CLASP1: variants seen among roughly 807,000 people sequenced by gnomAD.
CLASP1 encodes cytoplasmic linker associated protein 1.
Under a neutral mutation model 192.3 loss-of-function variants are expected in CLASP1, and 38 were observed. The observed-to-expected ratio is 0.20, with a 90% CI of 0.15 to 0.26. The LOEUF (loss-of-function observed/expected upper bound fraction) is 0.26, where lower values mean the gene tolerates loss of function less well. CLASP1 is among the 10% of genes least tolerant of loss of function. The probability of loss-of-function intolerance (pLI) is 1.00; values close to 1 mark genes in which losing one functional copy is unlikely to be tolerated. For missense variants in CLASP1, 1,433 were observed against 1,932.5 expected, an observed-to-expected ratio of 0.74 and a Z score of 4.85; for synonymous variants, 691 against 712.8, an observed-to-expected ratio of 0.97 and a Z score of 0.49.
At chr2:121,394,396 C>T (rs141037067) in intron 30 of CLASP1, among the ~76,000 whole-genome samples, 191 of 152,298 alleles carry the variant, frequency 1.3e-3, no homozygotes, top group Middle Eastern at 3.4e-3. Flanking sequence ...CTTGGCTGAG[C>T]GCTTTCTTTC....
chr2:121,578,099 A>AT (rs2060715677), intron 2 of CLASP1, among the ~76,000 whole-genome samples: 1 of 151,984 alleles, frequency 6.6e-6, no homozygotes, highest in Non-Finnish European at 1.5e-5. Context: ...CGTCCGGCTA[A>AT]TTTTTAAATT....
intron 2 of CLASP1, among the ~76,000 whole-genome samples, chr2:121,591,434 C>T (rs1267885497): frequency 6.6e-6 from 1 of 152,166 alleles, no homozygotes; most frequent in Non-Finnish European, 1.5e-5. Flanking sequence ...GTCCACAATG[C>T]CTTCATCAGA....
intron 1 of CLASP1, among the ~76,000 whole-genome samples, chr2:121,629,308 T>A (rs377671930): frequency 8.3e-4 from 126 of 151,800 alleles, no homozygotes; most frequent in African/African-American, 2.9e-3. Context: ...GAGAATGGCA[T>A]GAATCCGGGA....
intron 19 of CLASP1, among the ~76,000 whole-genome samples, chr2:121,444,706 C>T (rs2084006386): frequency 6.6e-6 from 1 of 152,172 alleles, no homozygotes; most frequent in African/African-American, 2.4e-5. Flanking sequence ...ACGCAGCATA[C>T]TTTAGTGCTA....
At chr2:121,647,128 A>T (rs1219539741) in intron 1 of CLASP1, among the ~76,000 whole-genome samples, 1 of 151,870 alleles carries the variant, frequency 6.6e-6, no homozygotes, top group Admixed American at 6.6e-5. Context: ...AGCACTTCGG[A>T]AGGCCAAGGC....
At chr2:121,438,781 C>T (rs573527086) in intron 19 of CLASP1, among the ~76,000 whole-genome samples, 2 of 151,394 alleles carry the variant, frequency 1.3e-5, no homozygotes. Flanking sequence ...GGATATTGGT[C>T]TAAAATTCTC....
In CLASP1 at chr2:121,449,011, T is replaced by C. The variant is rs368848404; in HGVS notation, c.1633A>G (p.Ser545Gly). The C allele has an allele frequency of 3.8e-5, 62 of 1,613,874 alleles. No individual in the cohort carries two copies. The highest frequency in any genetic ancestry group is 1.6e-4 in the Middle Eastern group (1 of 6,082). Residue 545 changes from serine (S) to glycine (G), a missense_variant, in exon 17 of 40, where the codon AGC becomes GGC. Ser to Gly is a moderately conservative substitution (Grantham distance 56). Transcript: ENST00000263710. ...TCTGACTGAGGCAGAGACACTATGCTGTCTGAGTTCTTCAGGTGGGACTGC... is the reference window on the plus strand; with the variant it reads ...TCTGACTGAGGCAGAGACACTATGCCGTCTGAGTTCTTCAGGTGGGACTGC...
chr2:121,557,714 G>A (rs1222601171), intron 2 of CLASP1, among the ~76,000 whole-genome samples: 9 of 151,282 alleles, frequency 5.9e-5, no homozygotes, highest in South Asian at 2.1e-4. Flanking sequence ...CTGAGATCAC[G>A]CCACTGCACT....
intron 30 of CLASP1, among the ~76,000 whole-genome samples, chr2:121,396,373 GA>G (rs1463225552): frequency 1.3e-5 from 2 of 152,182 alleles, no homozygotes; most frequent in African/African-American, 4.8e-5. Context: ...AACAGCAAAT[GA>G]ACAAAGTGAT....
chr2:121,629,349 C>T (rs1403775586), intron 1 of CLASP1, among the ~76,000 whole-genome samples: 3 of 151,648 alleles, frequency 2.0e-5, no homozygotes, highest in African/African-American at 7.3e-5. Context: ...GAGATCGCAC[C>T]ACTGCACTCC....
intron 8 of CLASP1, among the ~76,000 whole-genome samples, chr2:121,500,392 GAAAGAAAA>G (rs1387031768): frequency 8.9e-6 from 1 of 112,202 alleles, no homozygotes; most frequent in African/African-American, 3.4e-5. Flanking sequence ...AAGAAAGAAA[GAAAGAAAA>G]GAAAGAAAGA....
At chr2:121,533,231 A>G (rs941828749) in intron 2 of CLASP1, among the ~76,000 whole-genome samples, 8 of 152,220 alleles carry the variant, frequency 5.3e-5, no homozygotes, top group African/African-American at 1.9e-4. Context: ...CCAGAGAAAT[A>G]GGACAGGAGA....
At chr2:121,634,469 G>T (rs1303096000) in intron 1 of CLASP1, among the ~76,000 whole-genome samples, 3 of 152,076 alleles carry the variant, frequency 2.0e-5, no homozygotes, top group African/African-American at 7.2e-5. Context: ...CCCCAAAAGA[G>T]GTCTAGTAAC....
intron 6 of CLASP1, among the ~76,000 whole-genome samples, chr2:121,523,505 C>T (rs1015108172): frequency 3.3e-5 from 5 of 152,208 alleles, no homozygotes; most frequent in African/African-American, 1.2e-4. Context: ...CCTCCTCTAG[C>T]AGAAAACTTC....
chr2:121,572,436 A>T (rs1227219189), intron 2 of CLASP1, among the ~76,000 whole-genome samples: 2 of 152,208 alleles, frequency 1.3e-5, no homozygotes, highest in Non-Finnish European at 2.9e-5. Context: ...TCAAAAAATA[A>T]AAAAGACGAC....
intron 1 of CLASP1, among the ~76,000 whole-genome samples, chr2:121,621,783 T>G (rs1219734143): frequency 6.6e-6 from 1 of 152,218 alleles, no homozygotes; most frequent in Non-Finnish European, 1.5e-5. Flanking sequence ...GTCCCTTGCA[T>G]TTCTACATGA....
intron 2 of CLASP1, among the ~76,000 whole-genome samples, chr2:121,576,754 T>C (rs1317681396): frequency 6.6e-6 from 1 of 152,238 alleles, no homozygotes; most frequent in Non-Finnish European, 1.5e-5. Flanking sequence ...CTAACTCATG[T>C]TCTGAAAATC....
At chr2:121,518,231 CAAAAAAAAA>C (rs35409200) in intron 6 of CLASP1, among the ~76,000 whole-genome samples, 4,747 of 49,768 alleles carry the variant, frequency 0.095, 151 homozygotes, top group East Asian at 0.28. Flanking sequence ...ACCCCCGTCT[CAAAAAAAAA>C]AAAAAAAAAA....
intron 2 of CLASP1, among the ~76,000 whole-genome samples, chr2:121,548,146 C>T (rs2057656974): frequency 6.6e-6 from 1 of 152,122 alleles, no homozygotes; most frequent in Non-Finnish European, 1.5e-5. Flanking sequence ...TAGCAAAACT[C>T]AATCCAAGGA....
Sources: gnomAD v4.1 joint callset for allele counts (sites outside exome capture counted in the v4.1 genomes callset) on GRCh38, gnomAD v4.1.1 for gene constraint, MANE v1.5 for transcripts, NCBI Gene and HGNC (gene_info 2026-07-23, HGNC 2026-07-21) for gene names.